VPS13B: variants seen among roughly 807,000 people sequenced by gnomAD.
VPS13B encodes the protein vacuolar protein sorting 13 homolog B.
Under a neutral mutation model 426.4 loss-of-function variants are expected in VPS13B, and 285 were observed. The ratio of observed to expected loss-of-function variants is 0.67; its 90% CI spans 0.61 to 0.74. The LOEUF (loss-of-function observed/expected upper bound fraction) is 0.74, where lower values mean the gene tolerates loss of function less well. Among genes scored for constraint, VPS13B ranks in the 30% least tolerant of loss-of-function variants. The probability of loss-of-function intolerance (pLI) is 0.00; values close to 1 mark genes in which losing one functional copy is unlikely to be tolerated. For synonymous variants in VPS13B, 1,676 were observed against 1,676.4 expected (o/e 1.00, Z 0.01); for missense variants, 4,537 against 4,782.6 (o/e 0.95, Z 1.51).
At chr8:99,126,366 C>T (rs960865905) in intron 8 of VPS13B, among the ~76,000 whole-genome samples, 3 of 152,080 alleles carry the variant, frequency 2.0e-5, no homozygotes, top group African/African-American at 7.2e-5. Context: ...ACTAGGGACA[C>T]TAAGGACCTA....
chr8:99,870,005 G>A (rs979573160), intron 59 of VPS13B, among the ~76,000 whole-genome samples: 5 of 152,202 alleles, frequency 3.3e-5, no homozygotes, highest in African/African-American at 4.8e-5. Flanking sequence ...GGCCCCAAGC[G>A]TGCTCATAAA....
At chr8:99,830,337 G>C (rs1814969922) in intron 51 of VPS13B, among the ~76,000 whole-genome samples, 1 of 152,200 alleles carries the variant, frequency 6.6e-6, no homozygotes, top group African/African-American at 2.4e-5. Flanking sequence ...GGCTACAGCG[G>C]CTTTGCGGGG....
intron 31 of VPS13B, among the ~76,000 whole-genome samples, chr8:99,562,570 C>T (rs565755799): frequency 5.3e-5 from 8 of 152,206 alleles, no homozygotes; most frequent in Admixed American, 1.3e-4. Context: ...TGTGAGCCAC[C>T]GCACCTGGCC....
chr8:99,767,493 C>CAAAAAAAA (rs869220303), intron 40 of VPS13B, among the ~76,000 whole-genome samples: 2 of 33,330 alleles, frequency 6.0e-5, no homozygotes, highest in Non-Finnish European at 5.6e-5. Context: ...GCAACTCTCT[C>CAAAAAAAA]AAAAAAAAAA....
chr8:99,066,757 A>G (rs1844541210), intron 3 of VPS13B, among the ~76,000 whole-genome samples: 1 of 152,252 alleles, frequency 6.6e-6, no homozygotes, highest in Non-Finnish European at 1.5e-5. Context: ...TACCCATCTG[A>G]CAAAGGTCTA....
At chr8:99,168,697 T>A (rs10955205) in intron 15 of VPS13B, among the ~76,000 whole-genome samples, 14,468 of 152,042 alleles carry the variant, frequency 0.095, 902 homozygotes, top group Non-Finnish European at 0.14. Flanking sequence ...TAATTTTAAG[T>A]TATGATTTTA....
intron 27 of VPS13B, among the ~76,000 whole-genome samples, chr8:99,506,203 T>C (rs1412477250): frequency 6.6e-6 from 1 of 152,142 alleles, no homozygotes; most frequent in African/African-American, 2.4e-5. Flanking sequence ...CCTAAGCACT[T>C]TGATGACTCT....
intron 33 of VPS13B, among the ~76,000 whole-genome samples, chr8:99,591,703 G>T (rs913804650): frequency 6.6e-6 from 1 of 152,070 alleles, no homozygotes; most frequent in Admixed American, 6.5e-5. Flanking sequence ...GACTTGCAGG[G>T]TTTCTGCCAA....
chr8:99,653,850 C>T (rs1829918659), intron 34 of VPS13B, among the ~76,000 whole-genome samples: 1 of 151,934 alleles, frequency 6.6e-6, no homozygotes, highest in African/African-American at 2.4e-5. Context: ...TTGCCCTTCC[C>T]ATCACATCTT....
intron 25 of VPS13B, among the ~76,000 whole-genome samples, chr8:99,495,190 T>C (rs1023962721): frequency 1.3e-5 from 2 of 152,202 alleles, no homozygotes; most frequent in Non-Finnish European, 2.9e-5. Flanking sequence ...ATAATATAGA[T>C]GTTGAATAAT....
chr8:99,070,165 T>C (rs1055597958), intron 3 of VPS13B, among the ~76,000 whole-genome samples: 1 of 152,198 alleles, frequency 6.6e-6, no homozygotes, highest in African/African-American at 2.4e-5. Context: ...CCTCCTGCCT[T>C]AGCCTCCCAA....
chr8:99,285,557 T>C (rs1480547793), intron 19 of VPS13B, among the ~76,000 whole-genome samples: 1 of 152,148 alleles, frequency 6.6e-6, no homozygotes, highest in African/African-American at 2.4e-5. Context: ...ATGTTTTATA[T>C]GGATCAAAAA....
In VPS13B at chr8:99,819,481, G is replaced by A. The variant is rs1364307723; in HGVS notation, c.8691G>A (p.Lys2897=). ...CCCTCATTAAGCAAATAGCCACTAAGGTACACCCTGGAGGCACAGTTAATC... is the reference window on the plus strand; with the variant it reads ...CCCTCATTAAGCAAATAGCCACTAAAGTACACCCTGGAGGCACAGTTAATC... The part of the protein sequence containing the change: ...STSLIKQIAT[K]VHPGGTVNQI... Residue 2897 remains lysine (K), a synonymous_variant, in exon 48 of 62, where the codon AAG becomes AAA. Coordinates refer to ENST00000357162, the MANE Select transcript of VPS13B (RefSeq NM_152564.5). 3 of 1,613,706 alleles carry A rather than the reference G, an allele frequency of 1.9e-6. No individual in the cohort carries two copies. The highest frequency in any genetic ancestry group is 1.3e-5 in the African/African-American group (1 of 74,874).
At chr8:99,309,353 T>C (rs529140732) in intron 19 of VPS13B, among the ~76,000 whole-genome samples, 1 of 152,220 alleles carries the variant, frequency 6.6e-6, no homozygotes, top group Non-Finnish European at 1.5e-5. Context: ...TGAATTAATT[T>C]TTGTATAAGG....
chr8:99,639,211 A>G (rs370004512), intron 33 of VPS13B, among the ~76,000 whole-genome samples: 3 of 152,184 alleles, frequency 2.0e-5, no homozygotes, highest in African/African-American at 4.8e-5. Flanking sequence ...TACAAAGCCT[A>G]TATGTTGTCT....
intron 3 of VPS13B, among the ~76,000 whole-genome samples, chr8:99,068,659 A>G (rs983010713): frequency 1.3e-5 from 2 of 152,352 alleles, no homozygotes; most frequent in Middle Eastern, 6.8e-3. Context: ...CAGAAAACTT[A>G]CAATTATGGC....
At chr8:99,646,266 G>A (rs915467423) in intron 34 of VPS13B, among the ~76,000 whole-genome samples, 2 of 152,126 alleles carry the variant, frequency 1.3e-5, no homozygotes, top group Non-Finnish European at 2.9e-5. Context: ...TGTAATCTCA[G>A]CACTTTGGGA....
intron 2 of VPS13B, among the ~76,000 whole-genome samples, chr8:99,023,019 G>A (rs919615752): frequency 1.3e-5 from 2 of 150,376 alleles, no homozygotes; most frequent in African/African-American, 4.9e-5. Context: ...TGGACAAGGC[G>A]TTGCCCTGTT....
rs146295745 is a variant in VPS13B, at chr8:99,614,252, TACAC to T, written c.5221-27541_5221-27538del. Among the ~76,000 whole-genome samples, 707 of 150,348 alleles carry T rather than the reference TACAC, an allele frequency of 4.7e-3. 5 individuals carry two copies. The highest frequency in any genetic ancestry group is 0.016 in the African/African-American group (661 of 40,938). On this transcript the variant is annotated intron_variant, in intron 33 of 61. Transcript: ENST00000357162. ...AAAATAGTTTTTATTTTAAATTTTA[TACAC>T]ACACACACACACACACATATATATA... is the stretch of plus-strand genomic sequence containing the variant.
Sources: allele counts gnomAD v4.1 joint callset (sites outside exome capture counted in the v4.1 genomes callset), GRCh38; gene constraint gnomAD v4.1.1; transcripts MANE v1.5; gene names NCBI Gene and HGNC (gene_info 2026-07-23, HGNC 2026-07-21).